Variants in LAMA4 observed in about 807,000 individuals in gnomAD.
LAMA4 encodes the protein laminin subunit alpha-4.
Under a neutral mutation model 207.1 loss-of-function variants are expected in LAMA4, and 127 were observed. That is an observed-to-expected ratio of 0.61 (90% CI 0.53 to 0.71). The LOEUF is 0.71. Among genes scored for constraint, LAMA4 ranks in the 30% least tolerant of loss-of-function variants. The pLI, the probability that LAMA4 is intolerant of heterozygous loss-of-function variation, is 0.00. For missense variants in LAMA4, 2,093 were observed against 2,246.5 expected (o/e 0.93, Z 1.38); for synonymous variants, 761 against 816.0 (o/e 0.93, Z 1.15).
chr6:112,190,926 T>TCTTTCTTTCTTTC (rs1783026357), intron 6 of LAMA4, among the ~76,000 whole-genome samples: 3 of 93,614 alleles, frequency 3.2e-5, no homozygotes, highest in African/African-American at 1.3e-4. Context: ...TTTCTTTCTT[T>TCTTTCTTTCTTTC]CTTTCTTTCT....
rs1262945037 is a variant in LAMA4 at position 112,170,368 on chromosome 6, G to A, written c.1551+2243C>T. 2.6e-5 allele frequency among the ~76,000 whole-genome samples: 4 copies of A among 152,138 alleles called. No individual in the cohort carries two copies. In the East Asian group the frequency reaches 5.8e-4, roughly 22 times the overall value. ...CTTCTCATTTCAGGGCTTGCAGTAC[G>A]GAACATAGTTCTGGGTCTTCACTGG... On this transcript the variant is annotated intron_variant, in intron 12 of 38. Transcript: ENST00000230538.
intron 15 of LAMA4, 56 bp from the exon 16 acceptor site, chr6:112,155,003 C>A: frequency 5.2e-6 from 6 of 1,159,158 alleles, no homozygotes; most frequent in Non-Finnish European, 7.8e-6. Context: ...ATCAGCTATT[C>A]ATAGTTGAAG....
chr6:112,245,063 C>T (rs1786811357), intron 2 of LAMA4, among the ~76,000 whole-genome samples: 1 of 152,230 alleles, frequency 6.6e-6, no homozygotes, highest in Non-Finnish European at 1.5e-5. Context: ...AGGCATTTAA[C>T]ACCTCATCTG....
intron 9 of LAMA4, among the ~76,000 whole-genome samples, chr6:112,182,324 A>G (rs967302381): frequency 6.6e-5 from 10 of 152,102 alleles, no homozygotes; most frequent in Non-Finnish European, 1.3e-4. Context: ...TTATATCTAA[A>G]TTACCTCTAA....
Position 112,215,118 on chromosome 6 carries a change from A to T in LAMA4, c.297+1250T>A, listed in dbSNP as rs189039114. On this transcript the variant is annotated intron_variant, in intron 3 of 38. Coordinates refer to ENST00000230538, the MANE Select transcript of LAMA4 (RefSeq NM_001105206.3). Reference sequence around the variant, plus strand: ...ATTTTTCCCCCCAAATGTCACTGGGATTAAAATAACAGGAAACCGGAGATG... The same window carrying T: ...ATTTTTCCCCCCAAATGTCACTGGGTTTAAAATAACAGGAAACCGGAGATG... Among the ~76,000 whole-genome samples the T allele has an allele frequency of 5.9e-5, 9 of 152,346 alleles. No individual in the cohort carries two copies. In the East Asian group the frequency reaches 1.2e-3, roughly 20 times the overall value.
intron 25 of LAMA4, 137 bp from the exon 26 acceptor site, chr6:112,134,746 A>T: frequency 1.4e-6 from 1 of 699,246 alleles, no homozygotes; most frequent in Non-Finnish European, 2.4e-6. Flanking sequence ...CAAAATGGGG[A>T]ATAGATAGAT....
At chr6:112,184,210 A>G (rs559696633) in intron 9 of LAMA4, among the ~76,000 whole-genome samples, 2 of 151,262 alleles carry the variant, frequency 1.3e-5, no homozygotes, top group East Asian at 3.9e-4. Context: ...TACTATTGTT[A>G]TTTTATTTTT....
chr6:112,182,592 GC>G (rs2114917985), intron 9 of LAMA4, among the ~76,000 whole-genome samples: 1 of 152,306 alleles, frequency 6.6e-6, no homozygotes, highest in East Asian at 1.9e-4. Context: ...GGGTCTCTCT[GC>G]ATGAGTTGTC....
intron 3 of LAMA4, among the ~76,000 whole-genome samples, chr6:112,211,288 T>C (rs1784343679): frequency 1.3e-5 from 2 of 152,202 alleles, no homozygotes; most frequent in African/African-American, 2.4e-5. Context: ...CCTCAGTTTC[T>C]AGCATAAGAC....
At chr6:112,244,254 C>T (rs1786746924) in intron 2 of LAMA4, among the ~76,000 whole-genome samples, 1 of 152,262 alleles carries the variant, frequency 6.6e-6, no homozygotes, top group Non-Finnish European at 1.5e-5. Context: ...TGTCACTGCT[C>T]ATTACATGCT....
intron 17 of LAMA4, among the ~76,000 whole-genome samples, chr6:112,148,783 TA>T (rs1441459804): frequency 6.6e-6 from 1 of 152,056 alleles, no homozygotes; most frequent in African/African-American, 2.4e-5. Flanking sequence ...ATTACATCTT[TA>T]AAATAACCAT....
chr6:112,117,820 T>C lies in LAMA4; in HGVS notation c.4900A>G (p.Thr1634Ala). 6.2e-7 allele frequency: 1 copy of C among 1,613,808 alleles called. No homozygotes were observed. Among genetic ancestry groups the C allele is most frequent in the Non-Finnish European group, 8.5e-7 (1 of 1,179,770 alleles). The change falls in exon 35 of 39, where the codon ACA becomes GCA. Residue 1634 changes from threonine to alanine, a missense_variant. Coordinates refer to ENST00000230538, the MANE Select transcript of LAMA4 (RefSeq NM_001105206.3). The surrounding 1 kb of genome is among the most constrained non-coding windows in gnomAD (Gnocchi z 4.5). ...NGASITSASQ[T>A]FSVTPCFEGP... is the part of the protein sequence containing the mutation. ...TCAAAGCAAGGGGTCACACTGAATG[T>C]CTGAGAAGCAGAGGTGATGGAGGCC...
At chr6:112,149,954 CT>C (rs556094010) in intron 17 of LAMA4, among the ~76,000 whole-genome samples, 49 of 152,326 alleles carry the variant, frequency 3.2e-4, no homozygotes, top group Admixed American at 2.2e-3. Context: ...TAAGATACCA[CT>C]GCAGTCCCAG....
chr6:112,168,497 C>A (rs9481228), intron 12 of LAMA4, among the ~76,000 whole-genome samples: 4 of 151,892 alleles, frequency 2.6e-5, no homozygotes, highest in Non-Finnish European at 4.4e-5. Flanking sequence ...AGGTGCCCAC[C>A]ACCATGCCCA....
chr6:112,243,234 A>G (rs1554188037), intron 2 of LAMA4, among the ~76,000 whole-genome samples: 1 of 152,104 alleles, frequency 6.6e-6, no homozygotes, highest in African/African-American at 2.4e-5. Context: ...CCTGTGCTGC[A>G]GATCAGCCCC....
At chr6:112,162,072 A>T (rs1781086695) in intron 13 of LAMA4, 1 of 152,280 alleles carries the variant, frequency 6.6e-6, no homozygotes, top group Non-Finnish European at 1.5e-5. Flanking sequence ...GAAGGACAAG[A>T]GTGGAGACAG....
Position 112,143,973 on chromosome 6 carries a change from A to G in LAMA4, c.2493+821T>C, listed in dbSNP as rs141681805. 2.8e-3 allele frequency among the ~76,000 whole-genome samples: 420 copies of G among 152,352 alleles called. 1 individual carries two copies. The highest frequency in any genetic ancestry group is 6.8e-3 in the Middle Eastern group (2 of 294). ...TTTACCAAGAATAATCTTCTACATT[A>G]CGAAATAGTTGATTTCTAACTCTTC... On this transcript the variant is annotated intron_variant, in intron 19 of 38. Transcript: ENST00000230538.
At chr6:112,185,020 A>G (rs1782599807) in intron 9 of LAMA4, among the ~76,000 whole-genome samples, 1 of 152,228 alleles carries the variant, frequency 6.6e-6, no homozygotes, top group African/African-American at 2.4e-5. Context: ...CCACAAACAT[A>G]GCTTTTCAAG....
chr6:112,168,197 CAAAA>C (rs540870021), intron 12 of LAMA4, among the ~76,000 whole-genome samples: 4 of 65,222 alleles, frequency 6.1e-5, no homozygotes, highest in Admixed American at 1.8e-4. Flanking sequence ...GACTCCGTCT[CAAAA>C]AAAAAAAAAA....
Sources: allele counts gnomAD v4.1 joint callset (sites outside exome capture counted in the v4.1 genomes callset), GRCh38; gene constraint gnomAD v4.1.1; non-coding constraint Gnocchi (gnomAD v3.1); transcripts MANE v1.5; gene names NCBI Gene and HGNC (gene_info 2026-07-23, HGNC 2026-07-21).